The following GALNT13 variants were observed in gnomAD, a reference collection of about 807,000 sequenced individuals.
GALNT13 encodes the protein polypeptide N-acetylgalactosaminyltransferase 13, also known as UDP-GalNAc:polypeptide N-acetylgalactosaminyltransferase 13.
A neutral mutation model predicts 64.2 loss-of-function variants in GALNT13; 28 were observed. That is an observed-to-expected ratio of 0.44 (90% confidence interval 0.32 to 0.60). GALNT13 has a LOEUF of 0.60. GALNT13 is among the 20% of genes least tolerant of loss of function. The pLI is 0.05. For missense variants in GALNT13, 577 were observed against 669.8 expected (o/e 0.86, Z 1.53); for synonymous variants, 214 against 224.6 (o/e 0.95, Z 0.42).
At chr2:154,145,269 T>G (rs867794367) in intron 4 of GALNT13, among the ~76,000 whole-genome samples, 22 of 151,644 alleles carry the variant, frequency 1.5e-4, no homozygotes, top group Admixed American at 3.3e-4. Context: ...ATAGCCTATC[T>G]GATTCAGAAT....
the GALNT13 span, among the ~76,000 whole-genome samples, chr2:153,127,773 T>A: frequency 1.3e-5 from 2 of 152,320 alleles, no homozygotes; most frequent in South Asian, 4.1e-4. Flanking sequence ...TATGGCAAAC[T>A]TTTCCCTAGG....
At chr2:153,307,208 T>G in the GALNT13 span, among the ~76,000 whole-genome samples, 1 of 152,364 alleles carries the variant, frequency 6.6e-6, no homozygotes, top group South Asian at 2.1e-4. Context: ...AGTATTTGCA[T>G]TATGAAAATG....
the GALNT13 span, among the ~76,000 whole-genome samples, chr2:153,702,728 T>G: frequency 6.6e-6 from 1 of 152,072 alleles, no homozygotes; most frequent in Non-Finnish European, 1.5e-5. Context: ...GAGTGGATAT[T>G]AAAAGCTTGG....
intron 3 of GALNT13, among the ~76,000 whole-genome samples, chr2:154,067,569 A>C (rs1700533423): frequency 6.6e-6 from 1 of 152,126 alleles, no homozygotes; most frequent in Non-Finnish European, 1.5e-5. Context: ...TAAATGGGTC[A>C]ATTTAGCCAG....
chr2:153,391,036 T>C, the GALNT13 span, among the ~76,000 whole-genome samples: 3 of 152,080 alleles, frequency 2.0e-5, no homozygotes, highest in Non-Finnish European at 4.4e-5. Context: ...AGCAAACAAC[T>C]TAAGATGGTG....
chr2:153,521,167 CCTT>C, the GALNT13 span, among the ~76,000 whole-genome samples: 3 of 152,106 alleles, frequency 2.0e-5, no homozygotes, highest in African/African-American at 4.8e-5. Flanking sequence ...AAAGCATAGT[CCTT>C]CTTCTGAAGA....
chr2:154,214,940 G>C (rs1039909370), intron 4 of GALNT13, among the ~76,000 whole-genome samples: 2 of 152,170 alleles, frequency 1.3e-5, no homozygotes, highest in Non-Finnish European at 2.9e-5. Context: ...TGAATAAGAT[G>C]ATCTATGACA....
intron 8 of GALNT13, among the ~76,000 whole-genome samples, chr2:154,291,355 G>GTGT (rs1456712746): frequency 2.6e-5 from 4 of 152,102 alleles, no homozygotes; most frequent in Non-Finnish European, 5.9e-5. Flanking sequence ...GACACAGAGT[G>GTGT]CTGATTGGTG....
Position 154,242,090 on chromosome 2 carries a change from T to TA in GALNT13, c.374dup (p.Asn125LysfsTer2). Reference sequence around the variant, plus strand: ...ACACAAGTGTAGTCATTGTGTTTCATAATGAAGCTTGGAGCACTCTCCTTA... The same window carrying TA: ...ACACAAGTGTAGTCATTGTGTTTCATAAATGAAGCTTGGAGCACTCTCCTTA... On this transcript the variant is annotated frameshift_variant, in exon 5 of 13. Transcript: ENST00000392825. LOFTEE classifies it high-confidence loss of function. 1 of 1,610,996 alleles carries TA rather than the reference T, an allele frequency of 6.2e-7. No individual in the cohort carries two copies.
At chr2:154,087,818 A>T (rs1013471275) in intron 3 of GALNT13, among the ~76,000 whole-genome samples, 2 of 150,780 alleles carry the variant, frequency 1.3e-5, no homozygotes, top group African/African-American at 4.9e-5. Flanking sequence ...TTGGAATATA[A>T]GTGGGAAGCT....
the GALNT13 span, among the ~76,000 whole-genome samples, chr2:153,507,890 C>T: frequency 6.6e-6 from 1 of 152,176 alleles, no homozygotes; most frequent in Non-Finnish European, 1.5e-5. Context: ...TCCCCATTCC[C>T]TTAGGGATGG....
chr2:153,790,946 TAA>T, the GALNT13 span, among the ~76,000 whole-genome samples: 3 of 151,942 alleles, frequency 2.0e-5, no homozygotes, highest in Non-Finnish European at 2.9e-5. Context: ...CTCAAAGAAA[TAA>T]GAGATGACAC....
the GALNT13 span, among the ~76,000 whole-genome samples, chr2:153,825,729 G>GA: frequency 1.3e-5 from 2 of 151,534 alleles, no homozygotes; most frequent in Non-Finnish European, 2.9e-5. Flanking sequence ...ATCCCCCAGC[G>GA]AATACCCTTT....
At chr2:154,104,994 A>G (rs1702538608) in intron 3 of GALNT13, among the ~76,000 whole-genome samples, 2 of 152,172 alleles carry the variant, frequency 1.3e-5, no homozygotes, top group South Asian at 4.1e-4. Flanking sequence ...TTGTGAGGGC[A>G]GAGGGGCTCT....
the GALNT13 span, chr2:153,354,214 T>G: frequency 6.6e-6 from 1 of 152,202 alleles, no homozygotes; most frequent in Admixed American, 6.5e-5. Flanking sequence ...TTCTGTATCT[T>G]ATGGTTTCAG....
the GALNT13 span, among the ~76,000 whole-genome samples, chr2:153,195,676 C>T: frequency 1.1e-3 from 171 of 152,338 alleles, no homozygotes; most frequent in African/African-American, 3.8e-3. Flanking sequence ...CTTCTTGTCA[C>T]CTGCAATGTG....
the GALNT13 span, among the ~76,000 whole-genome samples, chr2:153,213,652 C>A: frequency 1.2e-4 from 19 of 152,142 alleles, no homozygotes; most frequent in African/African-American, 4.3e-4. Flanking sequence ...GGAAATCACA[C>A]AAATGGACGC....
At chr2:154,317,223 A>G (rs1351553131) in intron 9 of GALNT13, among the ~76,000 whole-genome samples, 1 of 151,980 alleles carries the variant, frequency 6.6e-6, no homozygotes, top group Non-Finnish European at 1.5e-5. Context: ...AAAAAAAAAA[A>G]AAGAAGAATG....
chr2:153,878,103 G>T (rs1686514416), intron 1 of GALNT13, among the ~76,000 whole-genome samples: 1 of 152,104 alleles, frequency 6.6e-6, no homozygotes, highest in African/African-American at 2.4e-5. Flanking sequence ...AACTTTATGT[G>T]ATTATTTTCT....
Sources: gnomAD v4.1 joint callset for allele counts (sites outside exome capture counted in the v4.1 genomes callset) on GRCh38, gnomAD v4.1.1 for gene constraint, MANE v1.5 for transcripts, NCBI Gene and HGNC (gene_info 2026-07-23, HGNC 2026-07-21) for gene names.